The following TSEN2 variants were observed in gnomAD, a reference collection of about 807,000 sequenced individuals.
The protein encoded by TSEN2 is tRNA-splicing endonuclease subunit Sen2.
Under a neutral mutation model 59.2 loss-of-function variants are expected in TSEN2, and 54 were observed. The observed-to-expected ratio is 0.91, with a 90% CI of 0.73 to 1.14. The LOEUF (loss-of-function observed/expected upper bound fraction) is 1.14, where lower values mean the gene tolerates loss of function less well. Ranked by LOEUF, TSEN2 falls within the 50% of genes most tolerant of loss-of-function variation. The probability of loss-of-function intolerance (pLI) is 0.00; values close to 1 mark genes in which losing one functional copy is unlikely to be tolerated. For missense variants in TSEN2, 636 were observed against 576.2 expected, an observed-to-expected ratio of 1.10 and a Z score of -1.06; for synonymous variants, 195 against 198.2, an observed-to-expected ratio of 0.98 and a Z score of 0.14.
At chr3:12,520,470 A>G (rs2125173127) in intron 8 of TSEN2, among the ~76,000 whole-genome samples, 1 of 152,222 alleles carries the variant, frequency 6.6e-6, no homozygotes, top group South Asian at 2.1e-4. Context: ...AATTAAATCA[A>G]TATTTTACTT....
At chr3:12,526,105 A>C (rs933880526) in intron 8 of TSEN2, among the ~76,000 whole-genome samples, 1 of 152,054 alleles carries the variant, frequency 6.6e-6, no homozygotes, top group African/African-American at 2.4e-5. Flanking sequence ...TTGGGAGGAC[A>C]AGGCGAACGG....
chr3:12,483,557 G>A (rs758264360), upstream of TSEN2, among the ~76,000 whole-genome samples: 1 of 152,204 alleles, frequency 6.6e-6, no homozygotes, highest in Non-Finnish European at 1.5e-5. Flanking sequence ...TAACAGAGGG[G>A]AGGGAACATA....
At chr3:12,516,440 AAATATATG>A (rs1397290337) in intron 6 of TSEN2, among the ~76,000 whole-genome samples, 163 bp from the exon 7 acceptor site, 2 of 46,188 alleles carry the variant, frequency 4.3e-5, no homozygotes, top group African/African-American at 1.0e-4. Flanking sequence ...CAAACAAACA[AAATATATG>A]TGTGTGTGTG....
intron 5 of TSEN2, among the ~76,000 whole-genome samples, chr3:12,504,236 C>T (rs1375291204): frequency 2.6e-5 from 4 of 152,096 alleles, no homozygotes; most frequent in Non-Finnish European, 2.9e-5. Flanking sequence ...ATATGAGATA[C>T]CCATTCAAAG....
chr3:12,525,345 A>T (rs2056989646), intron 8 of TSEN2, among the ~76,000 whole-genome samples: 1 of 152,192 alleles, frequency 6.6e-6, no homozygotes, highest in Non-Finnish European at 1.5e-5. Flanking sequence ...GTGGAGTGAT[A>T]CCATAAGTAG....
rs1305169180 is a variant in TSEN2, at chr3:12,492,137, G to T, written c.191G>T (p.Gly64Val). The change falls in exon 3 of 12, where the codon GGT becomes GTT. Residue 64 changes from glycine (G) to valine (V), a missense_variant and splice_region_variant. Gly to Val is a moderately radical substitution (Grantham distance 109). Coordinates refer to ENST00000284995, the MANE Select transcript of TSEN2 (RefSeq NM_025265.4). Reference sequence around the variant, plus strand: ...CTTCATTTTCTCTCTTCCTGGAAGGGTTATTTTGGAAAAGGTATTCTTTCA... The same window carrying T: ...CTTCATTTTCTCTCTTCCTGGAAGGTTTATTTTGGAAAAGGTATTCTTTCA... Reference protein sequence around the residue: ...AEDIEQLYGKGYFGKGILSRS... With the variant: ...AEDIEQLYGKVYFGKGILSRS... The T allele has an allele frequency of 6.2e-7, 1 of 1,613,782 alleles. No homozygotes were observed. Among genetic ancestry groups the T allele is most frequent in the Non-Finnish European group, 8.5e-7 (1 of 1,179,680 alleles).
At chr3:12,505,098 C>G in intron 5 of TSEN2, 56 bp from the exon 6 acceptor site, 1 of 986,584 alleles carries the variant, frequency 1.0e-6, no homozygotes, top group Admixed American at 1.7e-5. Context: ...AATACATTCT[C>G]TATGACATGT....
chr3:12,480,524 CTTTG>C (rs1386345048), upstream of TSEN2, among the ~76,000 whole-genome samples: 1 of 108,644 alleles, frequency 9.2e-6, no homozygotes, highest in East Asian at 2.3e-4. Context: ...TGTTTTGTTT[CTTTG>C]TTTTTTTTTT....
chr3:12,503,021 A>G (rs1411460340), intron 4 of TSEN2, among the ~76,000 whole-genome samples: 2 of 152,126 alleles, frequency 1.3e-5, no homozygotes, highest in African/African-American at 4.8e-5. Flanking sequence ...CAGTGAACCA[A>G]GATCACACCA....
chr3:12,496,670 T>C, intron 4 of TSEN2, 116 bp downstream of exon 4: 1 of 1,000,202 alleles, frequency 1.0e-6, no homozygotes, highest in Non-Finnish European at 1.6e-6. Flanking sequence ...CTGTTTTTGG[T>C]AGTAGATGTA....
At chr3:12,512,018 A>C (rs906011026) in intron 6 of TSEN2, among the ~76,000 whole-genome samples, 2 of 152,256 alleles carry the variant, frequency 1.3e-5, no homozygotes, top group African/African-American at 4.8e-5. Context: ...CATGCACTAT[A>C]ACACACAATA....
chr3:12,501,742 G>A (rs920230249), intron 4 of TSEN2, among the ~76,000 whole-genome samples: 1 of 152,162 alleles, frequency 6.6e-6, no homozygotes, highest in African/African-American at 2.4e-5. Flanking sequence ...AAGGTGAAAA[G>A]TAAAGTTACA....
At position 12,490,008 on chromosome 3, in the gene TSEN2, G is replaced by A. The variant is rs1303725927; in HGVS notation, c.189+19G>A. The A allele has an allele frequency of 2.5e-6, 4 of 1,612,984 alleles. No homozygotes were observed. The African/African-American group carries it at 4.0e-5, about 16-fold the overall frequency. On this transcript the variant is annotated intron_variant, in intron 2 of 11. Transcript: ENST00000284995. The stretch of plus-strand genomic sequence containing the variant: ...TGGGAAAGTAAGTGCAGGCAGCCTT[G>A]GTAAGATTACTTTCAGACAACCCTG...
chr3:12,506,615 C>G, intron 6 of TSEN2: 1 of 881,704 alleles, frequency 1.1e-6, no homozygotes, highest in Non-Finnish European at 1.4e-6. Flanking sequence ...AGTGGCCTTC[C>G]ATAAACTGCA....
At chr3:12,530,565 G>C in intron 10 of TSEN2, 1 of 985,520 alleles carries the variant, frequency 1.0e-6, no homozygotes, top group Non-Finnish European at 1.2e-6. Flanking sequence ...ACAAATTGTA[G>C]ATACCCTCTA....
chr3:12,522,192 A>G (rs967528630), intron 8 of TSEN2, among the ~76,000 whole-genome samples: 1 of 152,116 alleles, frequency 6.6e-6, no homozygotes, highest in Non-Finnish European at 1.5e-5. Flanking sequence ...TGGATGATGC[A>G]TAGGGGAAGC....
rs948083513 is a variant in TSEN2, at chr3:12,532,706, C to A, written c.1383C>A (p.Asp461Glu). Residue 461 changes from aspartate (D) to glutamate (E), a missense_variant, in exon 12 of 12, where the codon GAC (aspartate) becomes GAA (glutamate). Asp to Glu is a conservative substitution (Grantham distance 45). Coordinates refer to ENST00000284995, the MANE Select transcript of TSEN2 (RefSeq NM_025265.4). ...GGGTTTCTTCACGAGAGAGGAGTGA[C>A]CAAGACGATCTTTAACAATTCAACC... ...SRWVSSRERS[D>E]QDDL The A allele has an allele frequency of 1.9e-6, 3 of 1,613,932 alleles. No individual in the cohort carries two copies. The African/African-American group carries it at 4.0e-5, about 22-fold the overall frequency.
chr3:12,533,659 CAAAAAAAAAAAAAAAA>C (rs11322690), downstream of TSEN2: 1 of 53,602 alleles, frequency 1.9e-5, no homozygotes, highest in African/African-American at 7.9e-5. Context: ...GGTCCTGTCT[CAAAAAAAAAAAAAAAA>C]AAAAAAAAAA....
At chr3:12,524,009 G>A (rs2056881703) in intron 8 of TSEN2, among the ~76,000 whole-genome samples, 1 of 152,306 alleles carries the variant, frequency 6.6e-6, no homozygotes, top group African/African-American at 2.4e-5. Flanking sequence ...TGTAATGCCT[G>A]AGAAAAATTA....
Sources: gnomAD v4.1 joint callset for allele counts (sites outside exome capture counted in the v4.1 genomes callset) on GRCh38, gnomAD v4.1.1 for gene constraint, MANE v1.5 for transcripts, NCBI Gene and HGNC (gene_info 2026-07-23, HGNC 2026-07-21) for gene names.